The following L3MBTL2 variants were observed in gnomAD, a reference collection of about 807,000 sequenced individuals.
L3MBTL2 encodes the protein L3MBTL histone methyl-lysine binding protein 2, also known as lethal(3)malignant brain tumor-like protein 2.
L3MBTL2 carries 49 observed loss-of-function variants against 86.4 expected under a neutral mutation model. The observed-to-expected ratio is 0.57, with a 90% CI of 0.45 to 0.72. The LOEUF (loss-of-function observed/expected upper bound fraction) is 0.72. Among genes scored for constraint, L3MBTL2 ranks in the 30% least tolerant of loss-of-function variants. L3MBTL2 has a pLI of 0.00. For synonymous variants in L3MBTL2, 336 were observed against 350.6 expected, an observed-to-expected ratio of 0.96 and a Z score of 0.47; for missense variants, 755 against 923.7, an observed-to-expected ratio of 0.82 and a Z score of 2.37.
At chr22:41,217,551 G>A (rs1271604110) in intron 5 of L3MBTL2, 1 of 241,214 alleles carries the variant, frequency 4.1e-6, no homozygotes, top group Non-Finnish European at 8.2e-6. Flanking sequence ...TTCTGTAGCT[G>A]GCCTGGGCCC....
intron 1 of L3MBTL2, chr22:41,208,420 G>A (rs549612423): frequency 4.1e-5 from 14 of 339,532 alleles, no homozygotes; most frequent in South Asian, 1.1e-4. Flanking sequence ...GTGAACCACC[G>A]TACCCAGGCT....
chr22:41,218,198 GAA>G (rs2031543071), intron 5 of L3MBTL2: 1 of 152,248 alleles, frequency 6.6e-6, no homozygotes, highest in Non-Finnish European at 1.5e-5. Flanking sequence ...TCAACTGGCT[GAA>G]GCCAGGGCTG....
At chr22:41,221,752 G>A (rs1048761548) in intron 8 of L3MBTL2, among the ~76,000 whole-genome samples, 4 of 151,834 alleles carry the variant, frequency 2.6e-5, no homozygotes, top group African/African-American at 9.7e-5. Context: ...GACTACAGGC[G>A]CCCACCACGC....
chr22:41,227,680 G>C lies in L3MBTL2; in HGVS notation c.1823-124G>C, dbSNP rs1168666866. The stretch of plus-strand genomic sequence containing the variant: ...GCCCCGCCCTCTCCTCATTGCCCAG[G>C]TTTGGCTTCCTGTCTTGGGGTGTCT... On this transcript the variant is annotated intron_variant, in intron 14 of 16. Transcript: ENST00000216237. The surrounding 1 kb of genome is among the most constrained non-coding windows in gnomAD (Gnocchi z 6.0). 5.1e-6 allele frequency: 8 copies of C among 1,582,750 alleles called. No homozygotes were observed. Among genetic ancestry groups the C allele is most frequent in the Non-Finnish European group, 2.6e-6 (3 of 1,164,000 alleles).
rs1241030877 is a variant in L3MBTL2 at position 41,220,721 on chromosome 22, C to T, written c.719-13C>T. ...TCACCCTCCCTCACAGGTGCCCTTT[C>T]CTTTCCTTTCAGGGTATCGGGTGCT... is the stretch of plus-strand genomic sequence containing the variant. On this transcript the variant is annotated splice_polypyrimidine_tract_variant and intron_variant, in intron 6 of 16. Transcript: ENST00000216237. The T allele has an allele frequency of 6.2e-7, 1 of 1,606,142 alleles. No homozygotes were observed. The highest frequency in any genetic ancestry group is 2.2e-5 in the East Asian group (1 of 44,596).
In L3MBTL2 at chr22:41,229,578, C is replaced by A. The variant is rs565620653; in HGVS notation, c.1927C>A (p.Gln643Lys). The A allele has an allele frequency of 6.2e-7, 1 of 1,613,392 alleles. No individual in the cohort carries two copies. The highest frequency in any genetic ancestry group is 1.7e-5 in the Admixed American group (1 of 60,018). ...IPPTKTRPLR[Q>K]GSKKPLLEDD... Reference sequence around the variant, plus strand: ...GCCCACTAAGACGCGACCCCTCAGACAGGGGTCCAAGAAGCCCCTGCTGGA... The same window carrying A: ...GCCCACTAAGACGCGACCCCTCAGAAAGGGGTCCAAGAAGCCCCTGCTGGA... Residue 643 changes from glutamine (Q) to lysine (K), a missense_variant, in exon 16 of 17, where the codon CAG (glutamine) becomes AAG (lysine). Transcript: ENST00000216237.
intron 1 of L3MBTL2, among the ~76,000 whole-genome samples, chr22:41,205,609 T>C (rs1601477323): frequency 6.6e-6 from 1 of 151,968 alleles, no homozygotes; most frequent in East Asian, 1.9e-4. Flanking sequence ...GGAACAGCCG[T>C]CCCTGGCCTG....
In L3MBTL2 at chr22:41,227,606, G is replaced by C. The variant is rs1232480643; in HGVS notation, c.1823-198G>C. On this transcript the variant is annotated intron_variant, in intron 14 of 16. Transcript: ENST00000216237. This position sits in a 1 kb window ranked among gnomAD's most constrained non-coding sequence, Gnocchi z 6.0. ...TACCCAGGTCCCTCTGAGCAGCCCT[G>C]GTAACAAGGGTGGGAAGAAGGGACA... is the stretch of plus-strand genomic sequence containing the variant. The C allele has an allele frequency of 4.5e-6, 7 of 1,547,754 alleles. No individual in the cohort carries two copies. The highest frequency in any genetic ancestry group is 6.1e-6 in the Non-Finnish European group (7 of 1,145,438).
At chr22:41,221,067 A>G (rs2031778396) in intron 7 of L3MBTL2, 132 bp from the exon 8 acceptor site, 1 of 965,808 alleles carries the variant, frequency 1.0e-6, no homozygotes, top group African/African-American at 1.7e-5. Context: ...AGATGAAGTC[A>G]TTGCTGGCCT....
At chr22:41,216,989 T>C in intron 4 of L3MBTL2, 134 bp from the exon 5 acceptor site, 1 of 653,306 alleles carries the variant, frequency 1.5e-6, no homozygotes, top group Non-Finnish European at 2.7e-6. Context: ...GAGGGTGTCG[T>C]GGGCAGCGCT....
At chr22:41,213,770 T>G (rs1295623017) in intron 2 of L3MBTL2, 123 bp from the exon 3 acceptor site, 1 of 1,027,322 alleles carries the variant, frequency 9.7e-7, no homozygotes, top group East Asian at 2.4e-5. Context: ...CTTATTCCAT[T>G]AGCCTTTGTG....
At chr22:41,230,079 G>GAC in intron 16 of L3MBTL2, 60 bp from the exon 17 acceptor site, 1 of 532,754 alleles carries the variant, frequency 1.9e-6, no homozygotes, top group Non-Finnish European at 2.9e-6. Flanking sequence ...CAGCTCCTCC[G>GAC]CCCCCACCCC....
At position 41,223,113 on chromosome 22, in the gene L3MBTL2, G is replaced by C. The variant is rs1465379381; in HGVS notation, c.943-907G>C. Among the ~76,000 whole-genome samples, 3 of 152,216 alleles carry C rather than the reference G, an allele frequency of 2.0e-5. No homozygotes were observed. The East Asian group carries it at 5.8e-4, about 29-fold the overall frequency. On this transcript the variant is annotated intron_variant, in intron 8 of 16. Coordinates refer to ENST00000216237, the MANE Select transcript of L3MBTL2 (RefSeq NM_031488.5). Reference sequence around the variant, plus strand: ...ATGTGGGACAGGCAATTGGTGTCAGGACGTATCCCAAGCCCTTGAGCTGGG... The same window carrying C: ...ATGTGGGACAGGCAATTGGTGTCAGCACGTATCCCAAGCCCTTGAGCTGGG...
At chr22:41,226,141 G>C (rs2032167887) in intron 12 of L3MBTL2, among the ~76,000 whole-genome samples, 200 bp downstream of exon 12, 1 of 152,198 alleles carries the variant, frequency 6.6e-6, no homozygotes, top group Non-Finnish European at 1.5e-5. Context: ...GCCAGGCATG[G>C]TGACAGGTGC....
chr22:41,227,488 T>A lies in L3MBTL2; in HGVS notation c.1822+165T>A, dbSNP rs1601537818. On this transcript the variant is annotated intron_variant, in intron 14 of 16. Coordinates refer to ENST00000216237, the MANE Select transcript of L3MBTL2 (RefSeq NM_031488.5). The surrounding 1 kb of genome is among the most constrained non-coding windows in gnomAD (Gnocchi z 6.0). The stretch of plus-strand genomic sequence containing the variant: ...CCGTCACCCAGCCCCTGCTCCTGAC[T>A]TCTCTGTCTCCCTTTCCCTCTGGCC... 2 of 1,276,314 alleles carry A rather than the reference T, an allele frequency of 1.6e-6. No homozygotes were observed. The highest frequency in any genetic ancestry group is 2.5e-5 in the East Asian group (1 of 39,530). The allele number at this position is 1,276,314 out of a possible 1,614,324, so 79.1% of individuals were successfully genotyped here.
At chr22:41,207,114 A>G (rs999049316) in intron 1 of L3MBTL2, among the ~76,000 whole-genome samples, 1 of 152,192 alleles carries the variant, frequency 6.6e-6, no homozygotes, top group African/African-American at 2.4e-5. Context: ...ATTCAAACTC[A>G]GGCAAATCAG....
At chr22:41,218,208 C>A (rs1203178733) in intron 5 of L3MBTL2, 1 of 152,234 alleles carries the variant, frequency 6.6e-6, no homozygotes, top group Non-Finnish European at 1.5e-5. Context: ...GAAGCCAGGG[C>A]TGAGAATAAA....
intron 5 of L3MBTL2, 125 bp from the exon 6 acceptor site, chr22:41,219,294 T>G: frequency 2.8e-6 from 2 of 717,490 alleles, no homozygotes; most frequent in Non-Finnish European, 2.6e-6. Context: ...TAGCTGGTTC[T>G]GCACACAGTG....
intron 13 of L3MBTL2, 138 bp downstream of exon 13, chr22:41,226,882 C>T: frequency 1.3e-6 from 1 of 761,630 alleles, no homozygotes; most frequent in Non-Finnish European, 2.1e-6. Context: ...GGGAAGTCCC[C>T]AGCTATGGCC....
Sources: allele counts gnomAD v4.1 joint callset (sites outside exome capture counted in the v4.1 genomes callset), GRCh38; gene constraint gnomAD v4.1.1; non-coding constraint Gnocchi (gnomAD v3.1); transcripts MANE v1.5; gene names NCBI Gene and HGNC (gene_info 2026-07-23, HGNC 2026-07-21).